Variants in UBR3 observed in about 807,000 individuals in gnomAD.
UBR3 encodes E3 ubiquitin-protein ligase UBR3.
UBR3 carries 85 observed loss-of-function variants against 243.2 expected under a neutral mutation model. The ratio of observed to expected loss-of-function variants is 0.35; its 90% confidence interval spans 0.29 to 0.42. The LOEUF (loss-of-function observed/expected upper bound fraction) is 0.42, where lower values mean the gene tolerates loss of function less well. Among genes scored for constraint, UBR3 ranks in the 10% least tolerant of loss-of-function variants. The pLI is 1.00. For synonymous variants in UBR3, 748 were observed against 799.8 expected (o/e 0.94, Z 1.09); for missense variants, 1,686 against 2,300.8 (o/e 0.73, Z 5.47).
At chr2:169,948,078 TG>T (rs1309864538) in intron 22 of UBR3, 80 of 352,946 alleles carry the variant, frequency 2.3e-4, no homozygotes, top group South Asian at 2.0e-3. Context: ...GATTTATGTG[TG>T]TTTTTTTTTT....
chr2:169,953,908 T>C (rs2087148007), intron 23 of UBR3, among the ~76,000 whole-genome samples: 1 of 152,184 alleles, frequency 6.6e-6, no homozygotes, highest in African/African-American at 2.4e-5. Context: ...GCTCATAGCA[T>C]TTTTGGAGGT....
intron 1 of UBR3, among the ~76,000 whole-genome samples, chr2:169,843,333 G>A (rs962074995): frequency 2.6e-5 from 4 of 152,220 alleles, no homozygotes; most frequent in Non-Finnish European, 5.9e-5. Context: ...TTCACATGGT[G>A]GAAGGGGTGA....
intron 31 of UBR3, among the ~76,000 whole-genome samples, chr2:170,038,015 C>T (rs550856677): frequency 9.9e-5 from 15 of 152,208 alleles, no homozygotes; most frequent in African/African-American, 3.6e-4. Context: ...TAGAAAATAG[C>T]TGTTAGCATA....
intron 1 of UBR3, among the ~76,000 whole-genome samples, chr2:169,843,239 A>AATT (rs2082358921): frequency 2.0e-5 from 3 of 152,220 alleles, no homozygotes; most frequent in African/African-American, 7.2e-5. Flanking sequence ...AAAGAACAGA[A>AATT]ATTATTTCTT....
chr2:169,952,785 A>T (rs1033017842), intron 23 of UBR3, among the ~76,000 whole-genome samples: 1 of 152,086 alleles, frequency 6.6e-6, no homozygotes, highest in Non-Finnish European at 1.5e-5. Flanking sequence ...AATTGGAGTT[A>T]TAAAGAACTA....
chr2:169,950,484 T>A (rs2086971816), intron 23 of UBR3, among the ~76,000 whole-genome samples: 1 of 152,116 alleles, frequency 6.6e-6, no homozygotes, highest in Non-Finnish European at 1.5e-5. Context: ...AATATATGAT[T>A]GCTGATTTTT....
Position 169,994,164 on chromosome 2 carries a change from A to G in UBR3, c.3785-159A>G, listed in dbSNP as rs560179421. 2.0e-5 allele frequency among the ~76,000 whole-genome samples: 3 copies of G among 152,326 alleles called. No homozygotes were observed. The East Asian group carries it at 5.8e-4, about 29-fold the overall frequency. On this transcript the variant is annotated intron_variant, in intron 25 of 38. Coordinates refer to ENST00000272793, the MANE Select transcript of UBR3 (RefSeq NM_172070.4). ...ATATGTGAAGCTTTATTTAGCCTGT[A>G]GGAGAAAACTAGAATACCACTTTTT...
intron 24 of UBR3, among the ~76,000 whole-genome samples, chr2:169,967,270 C>A (rs951807683): frequency 7.0e-6 from 1 of 142,684 alleles, no homozygotes; most frequent in African/African-American, 2.6e-5. Flanking sequence ...CCCCCGCCCC[C>A]CCCCACACAC....
intron 1 of UBR3, among the ~76,000 whole-genome samples, chr2:169,844,306 C>T (rs965476476): frequency 6.6e-6 from 1 of 151,958 alleles, no homozygotes; most frequent in Admixed American, 6.6e-5. Flanking sequence ...GCCTCATATT[C>T]GATTTCTTTA....
chr2:169,955,592 G>A (rs2087243722), intron 23 of UBR3, among the ~76,000 whole-genome samples: 2 of 151,752 alleles, frequency 1.3e-5, no homozygotes, highest in South Asian at 2.1e-4. Context: ...TCAGGAGTTC[G>A]AGATCAGCCT....
chr2:169,936,417 A>G (rs1419733688), intron 19 of UBR3, among the ~76,000 whole-genome samples: 1 of 152,098 alleles, frequency 6.6e-6, no homozygotes, highest in African/African-American at 2.4e-5. Flanking sequence ...AATCATAGGT[A>G]CAGCATATTT....
intron 5 of UBR3, 92 bp downstream of exon 5, chr2:169,878,666 C>G (rs921659283): frequency 1.7e-6 from 2 of 1,187,674 alleles, no homozygotes; most frequent in Non-Finnish European, 2.4e-6. Flanking sequence ...AGTTCTGAAA[C>G]TGTATAGATT....
chr2:169,868,690 A>G (rs1216357872), intron 1 of UBR3, among the ~76,000 whole-genome samples: 1 of 152,252 alleles, frequency 6.6e-6, no homozygotes, highest in Non-Finnish European at 1.5e-5. Context: ...ATATCATCAA[A>G]TAACCACTAA....
At chr2:170,052,538 C>T (rs1376287641) in intron 32 of UBR3, among the ~76,000 whole-genome samples, 1 of 152,142 alleles carries the variant, frequency 6.6e-6, no homozygotes, top group Non-Finnish European at 1.5e-5. Flanking sequence ...GGAAATCTTG[C>T]CATTTGCGAC....
chr2:169,856,102 C>T (rs2082843429), intron 1 of UBR3, among the ~76,000 whole-genome samples: 1 of 151,732 alleles, frequency 6.6e-6, no homozygotes, highest in African/African-American at 2.4e-5. Flanking sequence ...GGAGGGGCTC[C>T]TCACTTCTCA....
intron 1 of UBR3, among the ~76,000 whole-genome samples, chr2:169,860,325 G>A (rs2083044917): frequency 6.6e-6 from 1 of 152,072 alleles, no homozygotes; most frequent in African/African-American, 2.4e-5. Flanking sequence ...ATTTTGTTAT[G>A]GAGTGCAGAT....
At chr2:169,858,579 T>A (rs1430452782) in intron 1 of UBR3, among the ~76,000 whole-genome samples, 1 of 152,092 alleles carries the variant, frequency 6.6e-6, no homozygotes, top group Non-Finnish European at 1.5e-5. Flanking sequence ...TTTCATTTAG[T>A]ACTTTATTTA....
At chr2:169,834,425 A>G (rs1337045081) in intron 1 of UBR3, among the ~76,000 whole-genome samples, 3 of 152,230 alleles carry the variant, frequency 2.0e-5, no homozygotes, top group Non-Finnish European at 2.9e-5. Flanking sequence ...ATGTATGAGG[A>G]TACATTCCTA....
At position 169,878,522 on chromosome 2, in the gene UBR3, A is replaced by G; in HGVS notation, c.989-3A>G. 1 of 1,550,922 alleles carries G rather than the reference A, an allele frequency of 6.4e-7. No individual in the cohort carries two copies. Among genetic ancestry groups the G allele is most frequent in the Non-Finnish European group, 8.7e-7 (1 of 1,146,498 alleles). On this transcript the variant is annotated splice_region_variant and splice_polypyrimidine_tract_variant and intron_variant, in intron 4 of 38. Coordinates refer to ENST00000272793, the MANE Select transcript of UBR3 (RefSeq NM_172070.4). ...GGACAACTATTTTTCTTCTCCTCCA[A>G]AGGTTTCATAGGCGCAACAGGAACT... is the stretch of plus-strand genomic sequence containing the variant.
Sources: gnomAD v4.1 joint callset for allele counts (sites outside exome capture counted in the v4.1 genomes callset) on GRCh38, gnomAD v4.1.1 for gene constraint, MANE v1.5 for transcripts, NCBI Gene and HGNC (gene_info 2026-07-23, HGNC 2026-07-21) for gene names.